Variants in PKD2L2 observed in about 807,000 individuals in gnomAD.
The protein encoded by PKD2L2 is polycystin 2 like 2, transient receptor potential cation channel.
A neutral mutation model predicts 83.9 loss-of-function variants in PKD2L2; 67 were observed. The observed-to-expected ratio is 0.80, with a 90% CI of 0.66 to 0.98. The LOEUF is 0.98. Ranked by LOEUF, PKD2L2 falls within the 50% of genes least tolerant of loss-of-function variation. PKD2L2 has a pLI of 0.00. For synonymous variants in PKD2L2, 223 were observed against 237.8 expected (o/e 0.94, Z 0.57); for missense variants, 632 against 717.2 (o/e 0.88, Z 1.36).
intron 9 of PKD2L2, among the ~76,000 whole-genome samples, chr5:137,922,460 G>C (rs1367361932): frequency 6.6e-6 from 1 of 152,148 alleles, no homozygotes; most frequent in Non-Finnish European, 1.5e-5. Flanking sequence ...ATCCTTGGCT[G>C]GACGCAGTGG....
At chr5:137,924,551 T>TC (rs1318165678) in intron 10 of PKD2L2, among the ~76,000 whole-genome samples, 1 of 152,184 alleles carries the variant, frequency 6.6e-6, no homozygotes, top group African/African-American at 2.4e-5. Flanking sequence ...TGGCCATCTC[T>TC]GCATGCCCCA....
chr5:137,913,101 T>C lies in PKD2L2; in HGVS notation c.1328+4155T>C, dbSNP rs888885286. Among the ~76,000 whole-genome samples the C allele has an allele frequency of 1.0e-3, 151 of 151,152 alleles. 2 individuals are homozygous for C. The highest frequency in any genetic ancestry group is 1.4e-3 in the Non-Finnish European group (95 of 67,646). On this transcript the variant is annotated intron_variant, in intron 8 of 14. Coordinates refer to ENST00000508883, the MANE Select transcript of PKD2L2 (RefSeq NM_001300921.2). ...TGTTGGCCAGGCTGGTCTGGAACTC[T>C]TGACCTCAGGTGATCCACCTGCCTC...
intron 8 of PKD2L2, among the ~76,000 whole-genome samples, chr5:137,918,166 TTTTTA>T (rs1381207406): frequency 6.6e-6 from 1 of 152,200 alleles, no homozygotes; most frequent in Non-Finnish European, 1.5e-5. Flanking sequence ...TTGTTCTTAT[TTTTTA>T]TTTTTATAGT....
At chr5:137,897,965 A>C (rs953233874) in intron 4 of PKD2L2, among the ~76,000 whole-genome samples, 1 of 151,878 alleles carries the variant, frequency 6.6e-6, no homozygotes, top group Non-Finnish European at 1.5e-5. Context: ...GAAACAAAAA[A>C]AAAATTTTTT....
intron 12 of PKD2L2, among the ~76,000 whole-genome samples, chr5:137,926,965 T>C (rs536988606): frequency 1.3e-5 from 2 of 152,282 alleles, no homozygotes; most frequent in East Asian, 1.9e-4. Flanking sequence ...AAGATGAGTC[T>C]GGAATAGCTT....
intron 3 of PKD2L2, 81 bp from the exon 4 acceptor site, chr5:137,894,272 T>C: frequency 1.7e-6 from 2 of 1,198,630 alleles, no homozygotes; most frequent in Non-Finnish European, 2.3e-6. Flanking sequence ...ATACTCAAAA[T>C]CTCTTATGCA....
intron 8 of PKD2L2, among the ~76,000 whole-genome samples, chr5:137,916,207 ACT>A (rs772209417): frequency 6.2e-4 from 93 of 151,038 alleles, no homozygotes; most frequent in Non-Finnish European, 2.8e-4. Flanking sequence ...ACGGAGTCTC[ACT>A]CTGTCACCCA....
intron 8 of PKD2L2, among the ~76,000 whole-genome samples, chr5:137,915,484 A>G (rs1318194867): frequency 4.0e-3 from 544 of 135,952 alleles, no homozygotes; most frequent in East Asian, 4.3e-3. Flanking sequence ...GTGCAGTGGC[A>G]CAATCTCAGC....
intron 14 of PKD2L2, chr5:137,942,126 T>C: frequency 8.4e-7 from 1 of 1,196,398 alleles, no homozygotes; most frequent in African/African-American, 1.5e-5. Flanking sequence ...TGGCTGCAAA[T>C]TAAAAGTGGC....
chr5:137,896,265 C>G (rs942287270), intron 4 of PKD2L2, among the ~76,000 whole-genome samples: 5 of 151,952 alleles, frequency 3.3e-5, no homozygotes, highest in African/African-American at 1.2e-4. Flanking sequence ...AAAGGCCTAC[C>G]CTTTCCTACT....
In PKD2L2 at chr5:137,933,050, C is replaced by CAAAA. The variant is rs34015851; in HGVS notation, c.1672-2734_1672-2731dup. Among the ~76,000 whole-genome samples the CAAAA allele has an allele frequency of 2.4e-5, 3 of 122,714 alleles. 1 individual carries two copies. Among genetic ancestry groups the CAAAA allele is most frequent in the Non-Finnish European group, 1.7e-5 (1 of 58,244 alleles). 80.5% of individuals were successfully genotyped at this position (122,714 alleles called of 152,430 possible). A position where few individuals can be genotyped will look rare whatever the true frequency, so the allele number is the denominator to read the frequency against. On this transcript the variant is annotated intron_variant, in intron 12 of 14. Coordinates refer to ENST00000508883, the MANE Select transcript of PKD2L2 (RefSeq NM_001300921.2). Reference sequence around the variant, plus strand: ...AAACAGAACAAAAAACAAAACAAACCAAAAAAAAAAAAAAAACCCACGACC... The same window carrying CAAAA: ...AAACAGAACAAAAAACAAAACAAACCAAAAAAAAAAAAAAAAAAAACCCACGACC...
chr5:137,928,381 T>G (rs1317671513), intron 12 of PKD2L2, among the ~76,000 whole-genome samples: 1 of 12,002 alleles, frequency 8.3e-5, no homozygotes, highest in African/African-American at 2.9e-4. Context: ...CTACAAAAAG[T>G]ACAAAAAAAA....
At chr5:137,938,786 T>C (rs1760856482) in intron 14 of PKD2L2, 1 of 152,546 alleles carries the variant, frequency 6.6e-6, no homozygotes, top group African/African-American at 2.4e-5. Flanking sequence ...CTCACCTTAT[T>C]AAAGGATGTT....
intron 14 of PKD2L2, chr5:137,940,571 C>CTTTAT: frequency 4.5e-6 from 2 of 443,060 alleles, no homozygotes; most frequent in Admixed American, 8.0e-5. Flanking sequence ...TGATGCTATA[C>CTTTAT]TTATAAATAA....
At chr5:137,905,575 T>C (rs1248848877) in intron 5 of PKD2L2, among the ~76,000 whole-genome samples, 8 of 152,180 alleles carry the variant, frequency 5.3e-5, no homozygotes, top group Admixed American at 5.2e-4. Flanking sequence ...TTCTTAATTA[T>C]CAGAAGTTGT....
At chr5:137,918,821 G>T (rs1446978469) in intron 8 of PKD2L2, among the ~76,000 whole-genome samples, 1 of 149,658 alleles carries the variant, frequency 6.7e-6, no homozygotes, top group Non-Finnish European at 1.5e-5. Flanking sequence ...GTTTCCCATG[G>T]TTCTCTTCCA....
In PKD2L2 at chr5:137,935,819, T is replaced by A. The variant is rs376800181; in HGVS notation, c.1694T>A (p.Met565Lys). The A allele has an allele frequency of 2.2e-5, 35 of 1,606,368 alleles. No individual in the cohort carries two copies. The highest frequency in any genetic ancestry group is 3.0e-5 in the Non-Finnish European group (35 of 1,173,230). Residue 565 changes from methionine (M) to lysine (K), a missense_variant, in exon 13 of 15, where the codon ATG becomes AAG. Physicochemically the swap from Met to Lys is moderately conservative, Grantham distance 95 (BLOSUM62 -1). This residue lies in a region of PKD2L2 where 399 missense variants were observed against 416.9 expected (regional missense o/e 0.96). Coordinates refer to ENST00000508883, the MANE Select transcript of PKD2L2 (RefSeq NM_001300921.2). ...DENEIQNAEQ[M>K]KKWKERLEKK... ...CAGGAGATTCAAAACGCAGAGCAGA[T>A]GAAAAAATGGAAAGAGAGGCTTGAG... is the stretch of plus-strand genomic sequence containing the variant.
At chr5:137,904,327 T>C (rs1177375533) in intron 5 of PKD2L2, among the ~76,000 whole-genome samples, 4 of 152,142 alleles carry the variant, frequency 2.6e-5, no homozygotes, top group Non-Finnish European at 4.4e-5. Flanking sequence ...CTAAGTGATC[T>C]GGGGATGGGC....
intron 12 of PKD2L2, among the ~76,000 whole-genome samples, chr5:137,933,173 C>G (rs1479118122): frequency 6.6e-6 from 1 of 152,038 alleles, no homozygotes; most frequent in African/African-American, 2.4e-5. Context: ...AACCCAACAT[C>G]ACAGAGTATA....
Sources: allele counts gnomAD v4.1 joint callset (sites outside exome capture counted in the v4.1 genomes callset), GRCh38; gene constraint gnomAD v4.1.1; regional missense constraint gnomAD v4.1.1; transcripts MANE v1.5; gene names NCBI Gene and HGNC (gene_info 2026-07-23, HGNC 2026-07-21).